U2AF2: variants seen among roughly 807,000 people sequenced by gnomAD.
The protein encoded by U2AF2 is splicing factor U2AF 65 kDa subunit.
Under a neutral mutation model 52.6 loss-of-function variants are expected in U2AF2, and 6 were observed. The observed-to-expected ratio is 0.11, with a 90% confidence interval of 0.06 to 0.23. The LOEUF (loss-of-function observed/expected upper bound fraction) is 0.23. Ranked by LOEUF, U2AF2 falls within the 10% of genes least tolerant of loss-of-function variation. The pLI is 1.00. For synonymous variants in U2AF2, 284 were observed against 258.2 expected, an observed-to-expected ratio of 1.10 and a Z score of -0.96; for missense variants, 222 against 677.1, an observed-to-expected ratio of 0.33 and a Z score of 7.46.
At chr19:55,655,308 C>T (rs1294119144) in intron 1 of U2AF2, among the ~76,000 whole-genome samples, 155 bp downstream of exon 1, 1 of 152,084 alleles carries the variant, frequency 6.6e-6, no homozygotes, top group African/African-American at 2.4e-5. Flanking sequence ...ACGTGACGTC[C>T]CCAGCGTTCC....
intron 1 of U2AF2, among the ~76,000 whole-genome samples, chr19:55,658,548 T>C (rs1443734647): frequency 1.3e-5 from 2 of 152,098 alleles, no homozygotes; most frequent in Non-Finnish European, 1.5e-5. Context: ...TTCAAGTGGT[T>C]TGGGATTCAA....
chr19:55,665,523 G>C (rs370274965), intron 7 of U2AF2, among the ~76,000 whole-genome samples: 1,001 of 98,386 alleles, frequency 0.01, 1 homozygote, highest in Middle Eastern at 0.032. Flanking sequence ...GCCCTCCATG[G>C]ACGGCAGTTC....
At position 55,669,182 on chromosome 19, in the gene U2AF2, G is replaced by A; in HGVS notation, c.1044+1G>A. 1 of 1,613,750 alleles carries A rather than the reference G, an allele frequency of 6.2e-7. No homozygotes were observed. Among genetic ancestry groups the A allele is most frequent in the East Asian group, 2.2e-5 (1 of 44,878 alleles). On this transcript the variant is annotated splice_donor_variant, in intron 10 of 11. Coordinates refer to ENST00000308924, the MANE Select transcript of U2AF2 (RefSeq NM_007279.3). LOFTEE classifies it high-confidence loss of function. ...GAATGCCACGCTGGTGAGCCCCCCG[G>A]CACGTCATCTTCCATTGGCTTGAGG...
chr19:55,660,029 T>A (rs970252696), intron 2 of U2AF2, 148 bp from the exon 3 acceptor site: 2 of 624,026 alleles, frequency 3.2e-6, no homozygotes, highest in Non-Finnish European at 5.4e-6. Flanking sequence ...TGGGGGGAAA[T>A]GGCAGGGCCG....
rs1045067729 is a variant in U2AF2 at position 55,668,975 on chromosome 19, C to T, written c.946-108C>T. ...TTTCCAGGCTCTTAATCCCCTTTGC[C>T]TTCCCCTCTTCCCCCACCAATGCCC... On this transcript the variant is annotated intron_variant, in intron 9 of 11. Coordinates refer to ENST00000308924, the MANE Select transcript of U2AF2 (RefSeq NM_007279.3). The surrounding 1 kb of genome is among the most constrained non-coding windows in gnomAD (Gnocchi z 5.5). 15 of 1,481,946 alleles carry T rather than the reference C, an allele frequency of 1.0e-5. No homozygotes were observed. The highest frequency in any genetic ancestry group is 2.0e-5 in the Admixed American group (1 of 50,392). The allele number at this position is 1,481,946 out of a possible 1,614,324, so 91.8% of individuals were successfully genotyped here.
At chr19:55,661,225 TC>T in intron 5 of U2AF2, 36 bp downstream of exon 5, 1 of 1,525,066 alleles carries the variant, frequency 6.6e-7, no homozygotes, top group Non-Finnish European at 8.8e-7. Context: ...CTCTCCCTTG[TC>T]CCTCTACCCC....
intron 11 of U2AF2, among the ~76,000 whole-genome samples, chr19:55,673,040 TAAA>T (rs1312604409): frequency 6.6e-6 from 1 of 152,026 alleles, no homozygotes; most frequent in South Asian, 2.1e-4. Flanking sequence ...CCTCCCGAGT[TAAA>T]GAAGAGTAGC....
At chr19:55,660,041 G>T (rs1016534766) in intron 2 of U2AF2, 136 bp from the exon 3 acceptor site, 10 of 685,878 alleles carry the variant, frequency 1.5e-5, no homozygotes, top group Middle Eastern at 3.7e-4. Context: ...GCAGGGCCGA[G>T]GGTGGCCTGC....
At position 55,668,592 on chromosome 19, in the gene U2AF2, T is replaced by C. The variant is rs1984687578; in HGVS notation, c.822+6T>C. The C allele has an allele frequency of 6.2e-7, 1 of 1,605,598 alleles. No homozygotes were observed. The highest frequency in any genetic ancestry group is 2.2e-5 in the East Asian group (1 of 44,764). On this transcript the variant is annotated splice_donor_region_variant and intron_variant, in intron 8 of 11. Transcript: ENST00000308924. This position sits in a 1 kb window ranked among gnomAD's most constrained non-coding sequence, Gnocchi z 5.5. The stretch of plus-strand genomic sequence containing the variant: ...ACTACCTGAACGATGACCAGGTAAC[T>C]TCCCTGCCTCCCTCCAGACCCGTCC...
At position 55,660,104 on chromosome 19, in the gene U2AF2, G is replaced by C. The variant is rs575688928; in HGVS notation, c.186-73G>C. The C allele has an allele frequency of 6.5e-5, 96 of 1,473,620 alleles. No individual in the cohort carries two copies. The African/African-American group carries it at 8.3e-4, about 13-fold the overall frequency. The allele number at this position is 1,473,620 out of a possible 1,614,324, so 91.3% of individuals were successfully genotyped here. A position where few individuals can be genotyped will look rare whatever the true frequency, so the allele number is the denominator to read the frequency against. On this transcript the variant is annotated intron_variant, in intron 2 of 11. Transcript: ENST00000308924. The stretch of plus-strand genomic sequence containing the variant: ...CCCACCCTGGGGCTCAGTGCCCTTG[G>C]GGGGGTGTGGCATGTGGGGAAGACG...
At chr19:55,667,063 C>G (rs759479705) in intron 7 of U2AF2, among the ~76,000 whole-genome samples, 2 of 152,136 alleles carry the variant, frequency 1.3e-5, no homozygotes, top group Admixed American at 6.5e-5. Flanking sequence ...GCTACTTGTC[C>G]CTGTAGCATA....
At chr19:55,665,704 A>G (rs1028757940) in intron 7 of U2AF2, among the ~76,000 whole-genome samples, 6 of 152,132 alleles carry the variant, frequency 3.9e-5, no homozygotes, top group African/African-American at 1.2e-4. Context: ...GCTGGAGTGC[A>G]GTGGTGTGAT....
intron 5 of U2AF2, 77 bp from the exon 6 acceptor site, chr19:55,662,425 C>G (rs754067469): frequency 2.2e-6 from 1 of 448,870 alleles, no homozygotes; most frequent in Non-Finnish European, 3.4e-6. Context: ...CCCTCTGTGT[C>G]TCCCTCTCTC....
chr19:55,671,766 T>C (rs1486940136), intron 11 of U2AF2: 1 of 152,132 alleles, frequency 6.6e-6, no homozygotes, highest in East Asian at 1.9e-4. Context: ...GAGGAAACAT[T>C]TGTGGGAAGA....
intron 11 of U2AF2, among the ~76,000 whole-genome samples, chr19:55,672,462 T>A (rs563179250): frequency 6.6e-6 from 1 of 152,172 alleles, no homozygotes; most frequent in African/African-American, 2.4e-5. Context: ...TGGGGGCCTT[T>A]GCTGTGCGTT....
rs1985153254 is a variant in U2AF2 at position 55,674,342 on chromosome 19, A to AGGGTGCACAGCAGGGCGGGGT, written c.*275_*295dup. 2.4e-6 allele frequency: 1 copy of AGGGTGCACAGCAGGGCGGGGT among 424,942 alleles called. No individual in the cohort carries two copies. Among genetic ancestry groups the AGGGTGCACAGCAGGGCGGGGT allele is most frequent in the Non-Finnish European group, 4.3e-6 (1 of 232,390 alleles). The allele number at this position is 424,942 out of a possible 1,614,324, so 26.3% of individuals were successfully genotyped here. A position where few individuals can be genotyped will look rare whatever the true frequency, so the allele number is the denominator to read the frequency against. On this transcript the variant is annotated 3_prime_UTR_variant, in exon 12 of 12. Transcript: ENST00000308924. ...AGAGGGAAGGGGTTGGGATGGGGAC[A>AGGGTGCACAGCAGGGCGGGGT]GGGTGCACAGCAGGGCGGGGTAGGA...
chr19:55,668,473 C>T lies in U2AF2; in HGVS notation c.743-34C>T. On this transcript the variant is annotated intron_variant, in intron 7 of 11. Transcript: ENST00000308924. This position sits in a 1 kb window ranked among gnomAD's most constrained non-coding sequence, Gnocchi z 5.5. Reference sequence around the variant, plus strand: ...CCAGGTTTTGGGAGATAACCTGGTACTGGAATTGAAGTCCTCCTCTTCTCT... The same window carrying T: ...CCAGGTTTTGGGAGATAACCTGGTATTGGAATTGAAGTCCTCCTCTTCTCT... The T allele has an allele frequency of 6.5e-7, 1 of 1,540,606 alleles. No homozygotes were observed. Among genetic ancestry groups the T allele is most frequent in the Non-Finnish European group, 8.8e-7 (1 of 1,139,254 alleles).
chr19:55,673,231 T>A (rs561976984), intron 11 of U2AF2, among the ~76,000 whole-genome samples: 16 of 152,336 alleles, frequency 1.1e-4, no homozygotes, highest in African/African-American at 3.8e-4. Flanking sequence ...GGATATTTTT[T>A]ATAGTTTGTT....
At chr19:55,669,910 G>A (rs1487044761) in intron 11 of U2AF2, among the ~76,000 whole-genome samples, 1 of 152,186 alleles carries the variant, frequency 6.6e-6, no homozygotes, top group Admixed American at 6.5e-5. Flanking sequence ...GACCCTGAGG[G>A]GTTTGTGGCC....
Sources: allele counts gnomAD v4.1 joint callset (sites outside exome capture counted in the v4.1 genomes callset), GRCh38; gene constraint gnomAD v4.1.1; non-coding constraint Gnocchi (gnomAD v3.1); transcripts MANE v1.5; gene names NCBI Gene and HGNC (gene_info 2026-07-23, HGNC 2026-07-21).